CLEC17A: variants seen among roughly 807,000 people sequenced by gnomAD.
The protein encoded by CLEC17A is C-type lectin domain family 17, member A.
CLEC17A carries 37 observed loss-of-function variants against 61.3 expected under a neutral mutation model. That is an observed-to-expected ratio of 0.60 (90% CI 0.46 to 0.79). CLEC17A has a LOEUF of 0.79. Ranked by LOEUF, CLEC17A falls within the 30% of genes least tolerant of loss-of-function variation. CLEC17A has a pLI of 0.00. For synonymous variants in CLEC17A, 168 were observed against 164.9 expected (o/e 1.02, Z -0.14); for missense variants, 418 against 464.7 (o/e 0.90, Z 0.92).
At chr19:14,582,598 T>C (rs539251596), upstream of CLEC17A, among the ~76,000 whole-genome samples, 12 of 151,788 alleles carry the variant, frequency 7.9e-5, no homozygotes, top group Non-Finnish European at 1.5e-4. Flanking sequence ...ATTTAATGTT[T>C]TTTAAAAAAT....
chr19:14,583,137 C>T lies in CLEC17A; in HGVS notation c.-24C>T. 1 of 1,613,976 alleles carries T rather than the reference C, an allele frequency of 6.2e-7. No homozygotes were observed. On this transcript the variant is annotated 5_prime_UTR_variant, in exon 1 of 14. Coordinates refer to ENST00000417570, the MANE Select transcript of CLEC17A (RefSeq NM_001204118.2). The stretch of plus-strand genomic sequence containing the variant: ...AGAGGTTGCCAAGCCCTGGCTGCCA[C>T]TTGTCAGGTTCCCTGTGCTAGACAT...
chr19:14,610,367 T>C lies in CLEC17A; in HGVS notation c.*171T>C, dbSNP rs953562343. On this transcript the variant is annotated 3_prime_UTR_variant, in exon 14 of 14. Transcript: ENST00000417570. The stretch of plus-strand genomic sequence containing the variant: ...CCAGGGGTGCAAGTCAGGCTGTTTC[T>C]AGAGTGAGGACTTGGGCTTGCCCTA... 21 of 885,026 alleles carry C rather than the reference T, an allele frequency of 2.4e-5. No homozygotes were observed. Among genetic ancestry groups the C allele is most frequent in the Non-Finnish European group, 3.5e-5 (21 of 592,242 alleles). 54.8% of individuals were successfully genotyped at this position (885,026 alleles called of 1,614,324 possible).
At chr19:14,598,710 G>C (rs1277564194) in intron 10 of CLEC17A, among the ~76,000 whole-genome samples, 2 of 152,048 alleles carry the variant, frequency 1.3e-5, no homozygotes, top group African/African-American at 4.8e-5. Context: ...CCTGACCTCA[G>C]GTGACCCATC....
chr19:14,608,509 G>A (rs565851768), intron 13 of CLEC17A, among the ~76,000 whole-genome samples: 1 of 152,042 alleles, frequency 6.6e-6, no homozygotes, highest in African/African-American at 2.4e-5. Flanking sequence ...TCTGGACCCT[G>A]AACCTTCAAT....
intron 3 of CLEC17A, among the ~76,000 whole-genome samples, chr19:14,590,368 T>G: frequency 6.6e-6 from 1 of 151,646 alleles, no homozygotes; most frequent in South Asian, 2.1e-4. Context: ...CATATTTTAA[T>G]GTTTCTTAAT....
intron 2 of CLEC17A, among the ~76,000 whole-genome samples, chr19:14,586,499 T>C (rs1311118508): frequency 2.0e-5 from 3 of 152,082 alleles, no homozygotes; most frequent in Non-Finnish European, 2.9e-5. Flanking sequence ...CATGGCTCAC[T>C]GCTGTGTCAA....
rs1796610081 is a variant in CLEC17A at position 14,610,103 on chromosome 19, G to A, written c.1044G>A (p.Glu348=). ...AGGAACCCAATAACATCCACGATGA[G>A]GACTGTGCTACCATGAACAAAGGTG... The part of the protein sequence containing the change: ...EPEEPNNIHD[E]DCATMNKGGT... The change falls in exon 14 of 14, where the codon GAG becomes GAA. Residue 348 remains glutamate, a synonymous_variant. Transcript: ENST00000417570. The A allele has an allele frequency of 6.2e-7, 1 of 1,612,970 alleles. No homozygotes were observed. The highest frequency in any genetic ancestry group is 1.7e-5 in the Admixed American group (1 of 59,880).
chr19:14,600,707 G>A (rs1046642724), intron 12 of CLEC17A, among the ~76,000 whole-genome samples: 13 of 150,408 alleles, frequency 8.6e-5, no homozygotes, highest in Non-Finnish European at 1.3e-4. Flanking sequence ...TCAGCCTCCT[G>A]AGTAGCTGGG....
chr19:14,605,693 A>G (rs1442077253), intron 12 of CLEC17A, among the ~76,000 whole-genome samples: 1 of 151,788 alleles, frequency 6.6e-6, no homozygotes, highest in African/African-American at 2.4e-5. Flanking sequence ...TTTCTTCCCT[A>G]TCTTTTATCT....
rs1365730226 is a variant in CLEC17A, at chr19:14,600,045, A to G, written c.757A>G (p.Thr253Ala). 3 of 1,613,792 alleles carry G rather than the reference A, an allele frequency of 1.9e-6. No individual in the cohort carries two copies. The African/African-American group carries it at 4.0e-5, about 22-fold the overall frequency. Residue 253 changes from threonine (T) to alanine (A), a missense_variant, in exon 12 of 14, where the codon ACC (threonine) becomes GCC (alanine). Coordinates refer to ENST00000417570, the MANE Select transcript of CLEC17A (RefSeq NM_001204118.2). ...CTGGTTCCCAGACTGCCGCCGAATT[A>G]CCTGTCCTGAAGGCTGGCTGCCCTT... ...LWGLLDCRRITCPEGWLPFEG... is the reference protein window; with the variant it reads ...LWGLLDCRRIACPEGWLPFEG...
At chr19:14,599,162 AC>A (rs1181137666) in intron 10 of CLEC17A, among the ~76,000 whole-genome samples, 1 of 128,152 alleles carries the variant, frequency 7.8e-6, no homozygotes, top group African/African-American at 3.0e-5. Flanking sequence ...ATCTTGGCTC[AC>A]TGCAACCTCT....
At position 14,583,089 on chromosome 19, in the gene CLEC17A, C is replaced by T; in HGVS notation, c.-72C>T. 1 of 1,556,178 alleles carries T rather than the reference C, an allele frequency of 6.4e-7. No homozygotes were observed. Among genetic ancestry groups the T allele is most frequent in the Admixed American group, 1.7e-5 (1 of 57,534 alleles). ...AGGGAACTGAGAGAGCCCCCAGACG[C>T]CTGAGTCGGAGAGACAGGGGGCAGA... On this transcript the variant is annotated 5_prime_UTR_variant, in exon 1 of 14. Transcript: ENST00000417570.
chr19:14,596,769 A>G (rs1313175195), intron 8 of CLEC17A, 107 bp from the exon 9 acceptor site: 4 of 1,317,104 alleles, frequency 3.0e-6, no homozygotes, highest in South Asian at 1.5e-5. Context: ...TGAAACAGTC[A>G]TGACTACAGA....
intron 12 of CLEC17A, among the ~76,000 whole-genome samples, chr19:14,601,628 T>C (rs984843190): frequency 1.3e-5 from 2 of 151,998 alleles, no homozygotes; most frequent in African/African-American, 4.8e-5. Flanking sequence ...TCCTTTTTTC[T>C]GTTTTTCAGG....
chr19:14,596,044 G>T (rs1418732475), intron 8 of CLEC17A, among the ~76,000 whole-genome samples: 2 of 12,992 alleles, frequency 1.5e-4, no homozygotes, highest in African/African-American at 6.5e-4. Flanking sequence ...TGTTTAAAAA[G>T]AAAAAGAAGC....
At chr19:14,603,325 C>G (rs2074770083) in intron 12 of CLEC17A, among the ~76,000 whole-genome samples, 1 of 152,160 alleles carries the variant, frequency 6.6e-6, no homozygotes, top group Admixed American at 6.6e-5. Context: ...GGGACATCTA[C>G]AGACTGAATG....
chr19:14,609,125 G>A (rs968130476), intron 13 of CLEC17A, among the ~76,000 whole-genome samples: 3 of 152,076 alleles, frequency 2.0e-5, no homozygotes, highest in African/African-American at 7.2e-5. Flanking sequence ...AAGGCTCACA[G>A]GAATGCTTTT....
upstream of CLEC17A, among the ~76,000 whole-genome samples, chr19:14,581,464 C>T (rs2074181312): frequency 6.6e-6 from 1 of 151,870 alleles, no homozygotes; most frequent in Non-Finnish European, 1.5e-5. Flanking sequence ...GCTGGCATTA[C>T]AGGTGCCCGC....
intron 8 of CLEC17A, 124 bp downstream of exon 8, chr19:14,595,439 T>A: frequency 1.9e-6 from 2 of 1,033,768 alleles, no homozygotes. Context: ...CAGGACCTGC[T>A]GCACTGTTCT....
Sources: allele counts gnomAD v4.1 joint callset (sites outside exome capture counted in the v4.1 genomes callset), GRCh38; gene constraint gnomAD v4.1.1; transcripts MANE v1.5; gene names NCBI Gene and HGNC (gene_info 2026-07-23, HGNC 2026-07-21).